PTPRD: variants seen among roughly 807,000 people sequenced by gnomAD.
PTPRD encodes protein tyrosine phosphatase receptor type D, also known as receptor-type tyrosine-protein phosphatase delta.
PTPRD carries 34 observed loss-of-function variants against 214.5 expected under a neutral mutation model. That is an observed-to-expected ratio of 0.16 (90% CI 0.12 to 0.21). PTPRD has a LOEUF of 0.21. PTPRD is among the 10% of genes least tolerant of loss of function. PTPRD has a pLI of 1.00. For synonymous variants in PTPRD, 1,128 were observed against 845.7 expected (o/e 1.33, Z -5.79); for missense variants, 2,545 against 2,398.7 (o/e 1.06, Z -1.27).
intron 9 of PTPRD, among the ~76,000 whole-genome samples, chr9:9,275,184 T>TAA (rs1219920456): frequency 4.7e-5 from 1 of 21,436 alleles, no homozygotes; most frequent in African/African-American, 1.8e-4. Flanking sequence ...AATATATATG[T>TAA]TATATATATA....
At chr9:9,949,434 C>G (rs911265547) in intron 4 of PTPRD, among the ~76,000 whole-genome samples, 3 of 152,054 alleles carry the variant, frequency 2.0e-5, no homozygotes, top group Non-Finnish European at 4.4e-5. Context: ...TACCAATAAG[C>G]AACAACTTAC....
chr9:9,797,248 T>G (rs1373760347), intron 5 of PTPRD, among the ~76,000 whole-genome samples: 7 of 150,146 alleles, frequency 4.7e-5, no homozygotes, highest in Non-Finnish European at 8.9e-5. Flanking sequence ...AGGCAGTTTT[T>G]TTTTTTTTTT....
chr9:10,357,085 A>C (rs1469209020), intron 2 of PTPRD, among the ~76,000 whole-genome samples: 1 of 152,170 alleles, frequency 6.6e-6, no homozygotes, highest in Non-Finnish European at 1.5e-5. Context: ...ATTAGTGTTT[A>C]TGTCTTTAAA....
intron 11 of PTPRD, among the ~76,000 whole-genome samples, chr9:8,902,341 T>C (rs895769026): frequency 8.2e-6 from 1 of 121,272 alleles, no homozygotes; most frequent in Non-Finnish European, 1.8e-5. Context: ...TTTTCTTTCT[T>C]TTTCTTTTTT....
At chr9:9,275,199 T>TATAATATATATGTTATATA (rs1491465404) in intron 9 of PTPRD, among the ~76,000 whole-genome samples, 1 of 10,402 alleles carries the variant, frequency 9.6e-5, no homozygotes, top group African/African-American at 2.4e-4. Flanking sequence ...TATATATATA[T>TATAATATATATGTTATATA]TATATATATA....
At chr9:8,742,605 G>T (rs1210286198) in intron 11 of PTPRD, among the ~76,000 whole-genome samples, 1 of 151,916 alleles carries the variant, frequency 6.6e-6, no homozygotes, top group Non-Finnish European at 1.5e-5. Flanking sequence ...GAAAAGTCTG[G>T]CAATACATAT....
At chr9:8,966,969 T>C (rs936169649) in intron 11 of PTPRD, among the ~76,000 whole-genome samples, 1 of 150,774 alleles carries the variant, frequency 6.6e-6, no homozygotes, top group South Asian at 2.1e-4. Flanking sequence ...AATAAGCCCA[T>C]GAAAAAATGG....
At chr9:8,772,383 C>A (rs1363642235) in intron 11 of PTPRD, among the ~76,000 whole-genome samples, 1 of 62,658 alleles carries the variant, frequency 1.6e-5, no homozygotes. Context: ...CATAAAGGAG[C>A]ACAGTACATA....
chr9:9,507,781 T>C (rs1388382391), intron 8 of PTPRD, among the ~76,000 whole-genome samples: 2 of 151,418 alleles, frequency 1.3e-5, no homozygotes, highest in African/African-American at 2.4e-5. Flanking sequence ...CAGATAAAAA[T>C]CTGTTTATAA....
At chr9:10,286,835 A>G (rs10756020) in intron 3 of PTPRD, among the ~76,000 whole-genome samples, 23,080 of 151,950 alleles carry the variant, frequency 0.15, 3,034 homozygotes, top group East Asian at 0.32. Flanking sequence ...TCCTGACCTC[A>G]TGATCCACCC....
intron 8 of PTPRD, among the ~76,000 whole-genome samples, chr9:9,401,040 T>A (rs1193949917): frequency 6.6e-6 from 1 of 151,990 alleles, no homozygotes; most frequent in African/African-American, 2.4e-5. Context: ...GAAGAAAAAA[T>A]TAAATATATA....
At chr9:9,418,093 TC>T (rs2077516264) in intron 8 of PTPRD, among the ~76,000 whole-genome samples, 1 of 152,090 alleles carries the variant, frequency 6.6e-6, no homozygotes, top group Admixed American at 6.6e-5. Context: ...TGTAAGAGCA[TC>T]TTTTCAACTT....
chr9:10,564,323 G>A (rs533189120), intron 2 of PTPRD, among the ~76,000 whole-genome samples: 11 of 150,370 alleles, frequency 7.3e-5, no homozygotes, highest in African/African-American at 2.4e-4. Flanking sequence ...CCTCATATCC[G>A]AATTTTAAAA....
At chr9:9,309,516 C>T (rs542925856) in intron 9 of PTPRD, among the ~76,000 whole-genome samples, 21 of 152,198 alleles carry the variant, frequency 1.4e-4, no homozygotes, top group Middle Eastern at 3.4e-3. Context: ...GTGTCCTCAG[C>T]GCAAATATTT....
At chr9:8,815,496 G>C (rs971813043) in intron 11 of PTPRD, among the ~76,000 whole-genome samples, 1 of 152,126 alleles carries the variant, frequency 6.6e-6, no homozygotes, top group African/African-American at 2.4e-5. Context: ...TCCATTAGCA[G>C]TTACAAAAAT....
chr9:9,787,406 T>G (rs1293670732), intron 5 of PTPRD, among the ~76,000 whole-genome samples: 2 of 144,480 alleles, frequency 1.4e-5, no homozygotes, highest in Non-Finnish European at 3.0e-5. Context: ...CAGGAAGTGT[T>G]TATGTCAACT....
intron 2 of PTPRD, among the ~76,000 whole-genome samples, chr9:10,575,976 A>G (rs929426165): frequency 1.3e-5 from 2 of 152,146 alleles, no homozygotes; most frequent in African/African-American, 4.8e-5. Context: ...TCAAATGATC[A>G]GATTAGGATG....
intron 6 of PTPRD, among the ~76,000 whole-genome samples, chr9:9,745,379 C>T (rs1013722209): frequency 1.3e-5 from 2 of 152,010 alleles, no homozygotes; most frequent in Non-Finnish European, 2.9e-5. Flanking sequence ...ATGAAGGCTT[C>T]GGTCCCACCA....
At chr9:9,545,013 C>T (rs892986835) in intron 8 of PTPRD, among the ~76,000 whole-genome samples, 1 of 151,562 alleles carries the variant, frequency 6.6e-6, no homozygotes, top group African/African-American at 2.4e-5. Flanking sequence ...ACATTCACAG[C>T]AAAATTGAGA....
Sources: gnomAD v4.1 joint callset for allele counts (sites outside exome capture counted in the v4.1 genomes callset) on GRCh38, gnomAD v4.1.1 for gene constraint, MANE v1.5 for transcripts, NCBI Gene and HGNC (gene_info 2026-07-23, HGNC 2026-07-21) for gene names.